ENOX1: variants seen among roughly 807,000 people sequenced by gnomAD.
ENOX1 encodes candidate growth-related and time keeping constitutive hydroquinone (NADH) oxidase.
A neutral mutation model predicts 82.5 loss-of-function variants in ENOX1; 42 were observed. The ratio of observed to expected loss-of-function variants is 0.51; its 90% CI spans 0.40 to 0.66. ENOX1 has a LOEUF of 0.66. Among genes scored for constraint, ENOX1 ranks in the 30% least tolerant of loss-of-function variants. The pLI is 0.00. For synonymous variants in ENOX1, 271 were observed against 282.2 expected (o/e 0.96, Z 0.40); for missense variants, 608 against 811.6 (o/e 0.75, Z 3.05).
chr13:43,213,936 C>G lies in ENOX1; in HGVS notation c.*54G>C. 1 of 1,574,882 alleles carries G rather than the reference C, an allele frequency of 6.3e-7. No individual in the cohort carries two copies. The highest frequency in any genetic ancestry group is 8.6e-7 in the Non-Finnish European group (1 of 1,157,264). On this transcript the variant is annotated 3_prime_UTR_variant, in exon 17 of 17. Transcript: ENST00000690772. ...CACACCTCCTGCTTCCCCGTCGCACCGCCCTGGCCAGGTTCACATGGTTTC... is the reference window on the plus strand; with the variant it reads ...CACACCTCCTGCTTCCCCGTCGCACGGCCCTGGCCAGGTTCACATGGTTTC...
At chr13:43,656,028 A>G (rs2153781002) in intron 2 of ENOX1, among the ~76,000 whole-genome samples, 1 of 152,356 alleles carries the variant, frequency 6.6e-6, no homozygotes, top group African/African-American at 2.4e-5. Context: ...GCCTTTTCTC[A>G]TAATGATGTC....
At chr13:43,432,790 G>T (rs9316024) in intron 3 of ENOX1, among the ~76,000 whole-genome samples, 5 of 151,846 alleles carry the variant, frequency 3.3e-5, no homozygotes, top group Non-Finnish European at 5.9e-5. Context: ...TTCTACTTTC[G>T]CCCTTTAAGT....
intron 2 of ENOX1, among the ~76,000 whole-genome samples, chr13:43,627,330 T>G (rs1163544045): frequency 2.0e-5 from 3 of 152,018 alleles, no homozygotes; most frequent in Non-Finnish European, 4.4e-5. Flanking sequence ...GTTCTGCTTT[T>G]CATCTCTGTT....
At chr13:43,412,747 C>G in intron 4 of ENOX1, 98 bp downstream of exon 4, 1 of 1,420,120 alleles carries the variant, frequency 7.0e-7, no homozygotes, top group Non-Finnish European at 9.7e-7. Flanking sequence ...TGGGCCCAGG[C>G]TCCTGGTTCA....
chr13:43,250,095 T>C (rs1358974809), intron 14 of ENOX1, among the ~76,000 whole-genome samples: 1 of 152,226 alleles, frequency 6.6e-6, no homozygotes, highest in Non-Finnish European at 1.5e-5. Flanking sequence ...GGCACAAGTA[T>C]GCCTCGCTGT....
At chr13:43,321,452 T>C (rs2047803526) in intron 11 of ENOX1, among the ~76,000 whole-genome samples, 1 of 152,228 alleles carries the variant, frequency 6.6e-6, no homozygotes, top group African/African-American at 2.4e-5. Flanking sequence ...TCTACAGCCC[T>C]GGAGAAACAG....
chr13:43,234,537 A>G (rs1412573527), intron 15 of ENOX1, among the ~76,000 whole-genome samples: 2 of 152,170 alleles, frequency 1.3e-5, no homozygotes, highest in Non-Finnish European at 2.9e-5. Context: ...CCTAACTTCA[A>G]ATGCTAATAT....
intron 1 of ENOX1, among the ~76,000 whole-genome samples, chr13:43,679,767 G>C (rs2085694544): frequency 4.6e-5 from 7 of 152,102 alleles, no homozygotes; most frequent in Admixed American, 3.9e-4. Flanking sequence ...AGGTATTAGA[G>C]GACATAATGA....
chr13:43,490,090 C>T (rs2076569446), intron 2 of ENOX1, among the ~76,000 whole-genome samples: 1 of 152,184 alleles, frequency 6.6e-6, no homozygotes, highest in Admixed American at 6.5e-5. Flanking sequence ...AAGTGCCTGC[C>T]CCCACGCCCA....
intron 1 of ENOX1, among the ~76,000 whole-genome samples, chr13:43,744,531 C>T (rs899857798): frequency 1.3e-5 from 2 of 152,070 alleles, no homozygotes; most frequent in African/African-American, 2.4e-5. Context: ...GGCTCTTTGG[C>T]AGTCACGTCT....
In ENOX1 at chr13:43,500,709, T is replaced by C. The variant is rs557322303; in HGVS notation, c.-218-16557A>G. ...ATAACAATGTATATTGTAATGAAGATGTATAAATTACTTATAATCCTAATA... is the reference window on the plus strand; with the variant it reads ...ATAACAATGTATATTGTAATGAAGACGTATAAATTACTTATAATCCTAATA... On this transcript the variant is annotated intron_variant, in intron 2 of 16. Transcript: ENST00000690772. Among the ~76,000 whole-genome samples, 696 of 152,044 alleles carry C rather than the reference T, an allele frequency of 4.6e-3. 7 individuals carry two copies. Among genetic ancestry groups the C allele is most frequent in the South Asian group, 0.036 (172 of 4,822 alleles).
At chr13:43,440,889 G>A (rs144103650) in intron 3 of ENOX1, among the ~76,000 whole-genome samples, 323 of 152,260 alleles carry the variant, frequency 2.1e-3, no homozygotes, top group Admixed American at 3.7e-3. Flanking sequence ...TATCAAACAG[G>A]TTTTGAAAGC....
At chr13:43,397,593 C>T (rs761476997) in intron 5 of ENOX1, among the ~76,000 whole-genome samples, 3 of 152,150 alleles carry the variant, frequency 2.0e-5, no homozygotes, top group Non-Finnish European at 4.4e-5. Flanking sequence ...TTAAGACTAC[C>T]ATATTTCTCC....
rs1029029889 is a variant in ENOX1, at chr13:43,435,446, C to A, written c.-74-22458G>T. The stretch of plus-strand genomic sequence containing the variant: ...GGGAAGCTGGTACCTACTAGGATAT[C>A]CTATTGGCTCCTGTCCTCTCTGCCC... On this transcript the variant is annotated intron_variant, in intron 3 of 16. Coordinates refer to ENST00000690772, the MANE Select transcript of ENOX1 (RefSeq NM_001347969.2). Among the ~76,000 whole-genome samples the A allele has an allele frequency of 2.0e-5, 3 of 152,164 alleles. No individual in the cohort carries two copies. The East Asian group carries it at 5.8e-4, about 29-fold the overall frequency.
intron 6 of ENOX1, 33 bp from the exon 7 acceptor site, chr13:43,360,090 T>G (rs2050402299): frequency 2.5e-6 from 4 of 1,593,694 alleles, no homozygotes; most frequent in Non-Finnish European, 3.4e-6. Context: ...AAGTTTTATC[T>G]TTCATTTATT....
chr13:43,772,749 T>TAAAAAAAAAAAAAAAAAAA (rs35359203), intron 1 of ENOX1, among the ~76,000 whole-genome samples: 12 of 112,092 alleles, frequency 1.1e-4, no homozygotes, highest in African/African-American at 4.2e-4. Flanking sequence ...ACTCTGTCTT[T>TAAAAAAAAAAAAAAAAAAA]AAAAAAAAAA....
intron 12 of ENOX1, among the ~76,000 whole-genome samples, chr13:43,278,654 A>G (rs1224917982): frequency 6.6e-6 from 1 of 152,240 alleles, no homozygotes; most frequent in African/African-American, 2.4e-5. Context: ...TACATCAGAG[A>G]CACAATACTT....
At chr13:43,539,239 T>A (rs942586877) in intron 2 of ENOX1, among the ~76,000 whole-genome samples, 2 of 152,236 alleles carry the variant, frequency 1.3e-5, no homozygotes, top group East Asian at 3.8e-4. Context: ...TAGTTTATTT[T>A]CCCTTTTTCT....
chr13:43,782,961 G>A lies in ENOX1; in HGVS notation c.-285+3691C>T, dbSNP rs141807423. On this transcript the variant is annotated intron_variant, in intron 1 of 16. Coordinates refer to ENST00000690772, the MANE Select transcript of ENOX1 (RefSeq NM_001347969.2). ...AAAGACTGAAACAAATATTATGCAG[G>A]GACACAGGCACCCCACAAACCTTAA... 4.8e-4 allele frequency among the ~76,000 whole-genome samples: 73 copies of A among 152,214 alleles called. No individual in the cohort carries two copies. In the East Asian group the frequency reaches 0.011, roughly 24 times the overall value.
Sources: gnomAD v4.1 joint callset for allele counts (sites outside exome capture counted in the v4.1 genomes callset) on GRCh38, gnomAD v4.1.1 for gene constraint, MANE v1.5 for transcripts, NCBI Gene and HGNC (gene_info 2026-07-23, HGNC 2026-07-21) for gene names.